Variants in HIPK3 observed in about 807,000 individuals in gnomAD.
The protein encoded by HIPK3 is homeodomain interacting protein kinase 3, also known as homeodomain-interacting protein kinase 3.
Under a neutral mutation model 124.2 loss-of-function variants are expected in HIPK3, and 47 were observed. The ratio of observed to expected loss-of-function variants is 0.38; its 90% CI spans 0.30 to 0.48. The LOEUF is 0.48. Ranked by LOEUF, HIPK3 falls within the 20% of genes least tolerant of loss-of-function variation. The pLI is 0.98. For missense variants in HIPK3, 1,286 were observed against 1,454.3 expected, an observed-to-expected ratio of 0.88 and a Z score of 1.88; for synonymous variants, 482 against 515.2, an observed-to-expected ratio of 0.94 and a Z score of 0.87.
chr11:33,344,446 A>G (rs1853434774), intron 8 of HIPK3, among the ~76,000 whole-genome samples: 4 of 152,178 alleles, frequency 2.6e-5, no homozygotes, highest in Non-Finnish European at 4.4e-5. Context: ...CAAAAACTTA[A>G]AGAGACTTCG....
At chr11:33,304,910 T>G (rs1852110370) in intron 2 of HIPK3, among the ~76,000 whole-genome samples, 1 of 152,248 alleles carries the variant, frequency 6.6e-6, no homozygotes, top group African/African-American at 2.4e-5. Flanking sequence ...ATCAGTAGTG[T>G]GAAAATGCTC....
intron 2 of HIPK3, among the ~76,000 whole-genome samples, chr11:33,295,735 G>C (rs542870026): frequency 6.6e-6 from 1 of 152,330 alleles, no homozygotes; most frequent in Non-Finnish European, 1.5e-5. Flanking sequence ...CTTTTGGCAG[G>C]AACTTCACAG....
chr11:33,256,692 G>A (rs1850674194), upstream of HIPK3: 4 of 983,046 alleles, frequency 4.1e-6, no homozygotes, highest in Non-Finnish European at 1.2e-6. Context: ...TCTCCAGGAG[G>A]AAAGAAACTA....
At chr11:33,316,295 A>G (rs1184849834) in intron 2 of HIPK3, among the ~76,000 whole-genome samples, 2 of 152,238 alleles carry the variant, frequency 1.3e-5, no homozygotes, top group Admixed American at 6.5e-5. Flanking sequence ...GTATTTTGAC[A>G]GTCATCCTTC....
intron 2 of HIPK3, among the ~76,000 whole-genome samples, chr11:33,297,127 C>G (rs181290292): frequency 1.3e-5 from 2 of 149,762 alleles, no homozygotes; most frequent in Non-Finnish European, 3.0e-5. Context: ...AGTCTCTCAC[C>G]CTGTTGCCTA....
At chr11:33,272,871 G>A (rs1247208172) in intron 1 of HIPK3, among the ~76,000 whole-genome samples, 1 of 120,722 alleles carries the variant, frequency 8.3e-6, no homozygotes, top group African/African-American at 3.2e-5. Context: ...GTCGAGATGA[G>A]GTCTTGCTTT....
At chr11:33,294,749 T>C (rs1166955359) in intron 2 of HIPK3, among the ~76,000 whole-genome samples, 1 of 152,144 alleles carries the variant, frequency 6.6e-6, no homozygotes, top group Non-Finnish European at 1.5e-5. Context: ...GGGACTGCAG[T>C]CATCAGCCAC....
chr11:33,265,194 C>G (rs984910228), intron 1 of HIPK3, among the ~76,000 whole-genome samples: 3 of 152,152 alleles, frequency 2.0e-5, no homozygotes, highest in Non-Finnish European at 2.9e-5. Context: ...GCTATATAAC[C>G]TATAGCTATG....
upstream of HIPK3, chr11:33,257,282 C>T (rs1037035782): frequency 1.5e-5 from 15 of 983,256 alleles, no homozygotes; most frequent in Non-Finnish European, 1.7e-5. Context: ...GCGGAGCCGC[C>T]CGGGCTGGGC....
At chr11:33,333,821 T>C (rs1172704694) in intron 3 of HIPK3, among the ~76,000 whole-genome samples, 1 of 152,220 alleles carries the variant, frequency 6.6e-6, no homozygotes, top group Admixed American at 6.5e-5. Flanking sequence ...CTTAAATATT[T>C]TTCTGTTCTA....
chr11:33,332,028 C>A (rs1853002577), intron 3 of HIPK3, among the ~76,000 whole-genome samples: 1 of 151,966 alleles, frequency 6.6e-6, no homozygotes, highest in African/African-American at 2.4e-5. Flanking sequence ...CAAAGTGTTG[C>A]AATAACAGGC....
At chr11:33,328,703 TGGCTGC>T in intron 3 of HIPK3, 70 bp downstream of exon 3, 3 of 1,402,826 alleles carry the variant, frequency 2.1e-6, no homozygotes, top group South Asian at 2.4e-5. Context: ...CAGGAACACA[TGGCTGC>T]AGGTGTACAA....
At chr11:33,304,993 C>T (rs1439205321) in intron 2 of HIPK3, among the ~76,000 whole-genome samples, 1 of 152,032 alleles carries the variant, frequency 6.6e-6, no homozygotes, top group Non-Finnish European at 1.5e-5. Context: ...AGGCAAAAAC[C>T]AAAACTTTTT....
chr11:33,316,620 C>T (rs78693260), intron 2 of HIPK3, among the ~76,000 whole-genome samples: 5,443 of 152,020 alleles, frequency 0.036, 113 homozygotes, highest in South Asian at 0.063. Context: ...GCCAGGAGTT[C>T]GAGACCAGCC....
At chr11:33,325,633 G>A (rs781257523) in intron 2 of HIPK3, among the ~76,000 whole-genome samples, 5 of 152,114 alleles carry the variant, frequency 3.3e-5, no homozygotes, top group Admixed American at 2.0e-4. Context: ...AAACCAGACC[G>A]TACTCTGATA....
At position 33,347,430 on chromosome 11, in the gene HIPK3, T is replaced by A. The variant is rs376474312; in HGVS notation, c.2019+16T>A. The A allele has an allele frequency of 4.4e-5, 71 of 1,612,878 alleles. No individual in the cohort carries two copies. Among genetic ancestry groups the A allele is most frequent in the Admixed American group, 6.7e-5 (4 of 59,782 alleles). ...TCTTTCTCAGGTTGGTAATAATTCA[T>A]TCTTTGCCATATATCAGCTTGTGCT... On this transcript the variant is annotated intron_variant, in intron 9 of 16. Transcript: ENST00000303296.
chr11:33,289,652 C>A (rs917402175), intron 2 of HIPK3, among the ~76,000 whole-genome samples: 2 of 152,134 alleles, frequency 1.3e-5, no homozygotes, highest in Admixed American at 1.3e-4. Context: ...TTTGTCATTT[C>A]TTTGTGTTAC....
At position 33,297,068 on chromosome 11, in the gene HIPK3, G is replaced by C. The variant is rs569818524; in HGVS notation, c.1097+9557G>C. On this transcript the variant is annotated intron_variant, in intron 2 of 16. Transcript: ENST00000303296. Reference sequence around the variant, plus strand: ...TAGTAAATGGTAAAAAAGCAAAACAGTGTTATTGCTGATATGGAAAAGATT... The same window carrying C: ...TAGTAAATGGTAAAAAAGCAAAACACTGTTATTGCTGATATGGAAAAGATT... Among the ~76,000 whole-genome samples the C allele has an allele frequency of 8.6e-5, 13 of 151,190 alleles. No homozygotes were observed. The East Asian group carries it at 2.5e-3, about 29-fold the overall frequency.
intron 2 of HIPK3, among the ~76,000 whole-genome samples, chr11:33,304,489 G>A (rs1336799611): frequency 2.0e-5 from 3 of 151,886 alleles, no homozygotes; most frequent in African/African-American, 7.3e-5. Flanking sequence ...CCCAGGAGGC[G>A]GAGGTTGCGG....
Sources: gnomAD v4.1 joint callset for allele counts (sites outside exome capture counted in the v4.1 genomes callset) on GRCh38, gnomAD v4.1.1 for gene constraint, MANE v1.5 for transcripts, NCBI Gene and HGNC (gene_info 2026-07-23, HGNC 2026-07-21) for gene names.